CACNB2: variants seen among roughly 807,000 people sequenced by gnomAD.
CACNB2 encodes the protein calcium voltage-gated channel auxiliary subunit beta 2, also known as voltage-dependent L-type calcium channel subunit beta-2.
In CACNB2, 42 loss-of-function variants were observed where a neutral mutation model predicts 73.3. The ratio of observed to expected loss-of-function variants is 0.57; its 90% CI spans 0.45 to 0.74. The LOEUF (loss-of-function observed/expected upper bound fraction) is 0.74, where lower values mean the gene tolerates loss of function less well. Ranked by LOEUF, CACNB2 falls within the 30% of genes least tolerant of loss-of-function variation. The pLI, the probability that CACNB2 is intolerant of heterozygous loss-of-function variation, is 0.00. For missense variants in CACNB2, 940 were observed against 853.0 expected (o/e 1.10, Z -1.27); for synonymous variants, 348 against 310.3 (o/e 1.12, Z -1.28).
chr10:18,162,462 G>T (rs938799292), intron 2 of CACNB2, among the ~76,000 whole-genome samples: 3 of 151,624 alleles, frequency 2.0e-5, no homozygotes, highest in Non-Finnish European at 4.4e-5. Flanking sequence ...TGTGTGGATC[G>T]TACTGAAGAA....
At chr10:18,367,919 A>C (rs2042421983) in intron 2 of CACNB2, among the ~76,000 whole-genome samples, 2 of 152,176 alleles carry the variant, frequency 1.3e-5, no homozygotes, top group African/African-American at 4.8e-5. Flanking sequence ...AAGAATTCTA[A>C]GTTTGACTGT....
intron 2 of CACNB2, among the ~76,000 whole-genome samples, chr10:18,272,061 T>G (rs1292422051): frequency 6.6e-6 from 1 of 152,092 alleles, no homozygotes; most frequent in Non-Finnish European, 1.5e-5. Flanking sequence ...GGGAGTAATA[T>G]TTCCAGTGAG....
At chr10:18,316,780 C>A (rs2040203426) in intron 2 of CACNB2, among the ~76,000 whole-genome samples, 1 of 152,104 alleles carries the variant, frequency 6.6e-6, no homozygotes, top group African/African-American at 2.4e-5. Context: ...AGATCTTAAC[C>A]TACTCAATAA....
At chr10:18,429,313 T>G (rs2045760898) in intron 3 of CACNB2, among the ~76,000 whole-genome samples, 1 of 152,186 alleles carries the variant, frequency 6.6e-6, no homozygotes, top group African/African-American at 2.4e-5. Context: ...CTTTCAAGTC[T>G]TCTTCTCTGT....
chr10:18,489,444 C>CTTTT (rs111643893), intron 3 of CACNB2, among the ~76,000 whole-genome samples: 3 of 131,860 alleles, frequency 2.3e-5, no homozygotes, highest in South Asian at 2.4e-4. Context: ...TAAAATTTAA[C>CTTTT]TTTTTTTTTT....
rs935153844 is a variant in CACNB2, at chr10:18,277,690, T to C, written c.214-124234T>C. ...TTCAGCTTAACAATGTCTACACTTA[T>C]TCGTTTAATCAATATTTATTTAATG... On this transcript the variant is annotated intron_variant, in intron 2 of 13. Coordinates refer to ENST00000324631, the MANE Select transcript of CACNB2 (RefSeq NM_201596.3). Among the ~76,000 whole-genome samples, 7 of 152,246 alleles carry C rather than the reference T, an allele frequency of 4.6e-5. No individual in the cohort carries two copies. In the East Asian group the frequency reaches 7.7e-4, roughly 17 times the overall value.
chr10:18,150,604 G>T (rs748606238), intron 1 of CACNB2, among the ~76,000 whole-genome samples: 1 of 152,128 alleles, frequency 6.6e-6, no homozygotes. Context: ...CGGAGGTTGC[G>T]GTGAGCCAAG....
chr10:18,435,064 G>C (rs116370501), intron 3 of CACNB2, among the ~76,000 whole-genome samples: 2 of 152,268 alleles, frequency 1.3e-5, no homozygotes, highest in East Asian at 3.9e-4. Flanking sequence ...TGGAGCCCAC[G>C]TAGATGCCTT....
chr10:18,245,904 G>A (rs751711637), intron 2 of CACNB2, among the ~76,000 whole-genome samples: 78 of 152,134 alleles, frequency 5.1e-4, no homozygotes, highest in Non-Finnish European at 1.2e-4. Context: ...ATATTAATCA[G>A]GAGTTGGGAA....
intron 2 of CACNB2, among the ~76,000 whole-genome samples, chr10:18,209,934 T>C (rs536717725): frequency 6.6e-6 from 1 of 152,148 alleles, no homozygotes; most frequent in Admixed American, 6.5e-5. Context: ...CAAAAGCTCC[T>C]TGGTGGATGT....
intron 2 of CACNB2, among the ~76,000 whole-genome samples, chr10:18,354,598 T>C (rs1304584489): frequency 6.6e-6 from 1 of 152,176 alleles, no homozygotes; most frequent in East Asian, 1.9e-4. Flanking sequence ...GTTTTTGTTG[T>C]TGTTGTTGCT....
In CACNB2 at chr10:18,325,828, T is replaced by A. The variant is rs537519105; in HGVS notation, c.214-76096T>A. 4.0e-5 allele frequency among the ~76,000 whole-genome samples: 6 copies of A among 151,400 alleles called. No individual in the cohort carries two copies. The South Asian group carries it at 1.3e-3, about 32-fold the overall frequency. Reference sequence around the variant, plus strand: ...GGCATAATCTCAGCTCACTGCAGCCTCCACCTCCCAGACTCAAGCCAACCT... The same window carrying A: ...GGCATAATCTCAGCTCACTGCAGCCACCACCTCCCAGACTCAAGCCAACCT... On this transcript the variant is annotated intron_variant, in intron 2 of 13. Coordinates refer to ENST00000324631, the MANE Select transcript of CACNB2 (RefSeq NM_201596.3).
intron 2 of CACNB2, chr10:18,261,333 T>G: frequency 6.4e-7 from 1 of 1,551,626 alleles, no homozygotes; most frequent in Non-Finnish European, 8.7e-7. Flanking sequence ...TTTCTATTGC[T>G]GTAGAATTGC....
intron 10 of CACNB2, 25 bp downstream of exon 10, chr10:18,527,722 C>A: frequency 7.3e-7 from 1 of 1,369,872 alleles, no homozygotes. Context: ...TGAGCTTAAG[C>A]TTTTTAAACT....
In CACNB2 at chr10:18,156,908, G is replaced by A. The variant is rs560627065; in HGVS notation, c.213+5933G>A. ...AAAAAAATTGGCTGGGTGTGGTGGC[G>A]CATGCCTGTAATCCCAGCTACTTGG... is the stretch of plus-strand genomic sequence containing the variant. On this transcript the variant is annotated intron_variant, in intron 2 of 13. Coordinates refer to ENST00000324631, the MANE Select transcript of CACNB2 (RefSeq NM_201596.3). Among the ~76,000 whole-genome samples, 11 of 151,848 alleles carry A rather than the reference G, an allele frequency of 7.2e-5. No individual in the cohort carries two copies. In the East Asian group the frequency reaches 1.2e-3, roughly 16 times the overall value.
chr10:18,379,469 C>G (rs1484316756), intron 2 of CACNB2, among the ~76,000 whole-genome samples: 1 of 152,186 alleles, frequency 6.6e-6, no homozygotes, highest in Non-Finnish European at 1.5e-5. Flanking sequence ...CTGCCTCAGT[C>G]TCCCAAAGTG....
chr10:18,234,262 TAAAATG>T (rs2036340659), intron 2 of CACNB2: 1 of 152,210 alleles, frequency 6.6e-6, no homozygotes, highest in Non-Finnish European at 1.5e-5. Flanking sequence ...TAAGATATCT[TAAAATG>T]AGAATAGAGA....
chr10:18,184,700 T>C (rs2034067058), intron 2 of CACNB2, among the ~76,000 whole-genome samples: 1 of 150,068 alleles, frequency 6.7e-6, no homozygotes, highest in Admixed American at 6.6e-5. Context: ...TGCTTGTTTT[T>C]AATTTCATTC....
At chr10:18,482,257 A>G (rs1198833400) in intron 3 of CACNB2, among the ~76,000 whole-genome samples, 1 of 152,200 alleles carries the variant, frequency 6.6e-6, no homozygotes, top group Non-Finnish European at 1.5e-5. Context: ...TAGTAAGCAC[A>G]ATATAGTTGC....
Sources: allele counts gnomAD v4.1 joint callset (sites outside exome capture counted in the v4.1 genomes callset), GRCh38; gene constraint gnomAD v4.1.1; transcripts MANE v1.5; gene names NCBI Gene and HGNC (gene_info 2026-07-23, HGNC 2026-07-21).